Variants in ZNF600 observed in about 807,000 individuals in gnomAD.
The protein encoded by ZNF600 is zinc finger protein 600, also known as zinc finger protein KR-ZNF1.
A neutral mutation model predicts 7.3 loss-of-function variants in ZNF600; 4 were observed. The observed-to-expected ratio is 0.55, with a 90% confidence interval of 0.27 to 1.25. The LOEUF (loss-of-function observed/expected upper bound fraction) is 1.25, where lower values mean the gene tolerates loss of function less well. Ranked by LOEUF, ZNF600 falls within the 50% of genes most tolerant of loss-of-function variation. ZNF600 has a pLI of 0.12. For missense variants in ZNF600, 911 were observed against 922.1 expected, an observed-to-expected ratio of 0.99 and a Z score of 0.16; for synonymous variants, 290 against 308.9, an observed-to-expected ratio of 0.94 and a Z score of 0.64.
At chr19:52,813,409 G>A in the ZNF600 span, among the ~76,000 whole-genome samples, 3 of 149,790 alleles carry the variant, frequency 2.0e-5, no homozygotes, top group Non-Finnish European at 4.4e-5. Flanking sequence ...CGTCTCAACA[G>A]TGCAAGCTGC....
the ZNF600 span, chr19:52,800,918 A>T: frequency 6.2e-7 from 1 of 1,613,954 alleles, no homozygotes; most frequent in African/African-American, 1.3e-5. Context: ...GTGATTTGCG[A>T]CTGAAAACTT....
At chr19:52,796,911 T>C in the ZNF600 span, among the ~76,000 whole-genome samples, 1 of 152,212 alleles carries the variant, frequency 6.6e-6, no homozygotes, top group Admixed American at 6.5e-5. Context: ...ATTTGTACCA[T>C]TTTATTTTGG....
chr19:52,801,806 C>T, the ZNF600 span: 1 of 1,089,724 alleles, frequency 9.2e-7, no homozygotes, highest in Non-Finnish European at 1.3e-6. Flanking sequence ...TTAAACTTCC[C>T]AAACATGATC....
the ZNF600 span, chr19:52,801,575 A>G: frequency 3.1e-6 from 5 of 1,613,958 alleles, no homozygotes; most frequent in Non-Finnish European, 4.2e-6. Context: ...TGTCTTTCTC[A>G]ATTTTCTGGA....
exon 4 of ZNF600, chr19:52,765,167 T>C: frequency 4.5e-6 from 2 of 448,542 alleles, no homozygotes; most frequent in Admixed American, 2.7e-5. Flanking sequence ...ACTCACTGCA[T>C]TGGGAACAGT....
chr19:52,778,739 T>C, intron 2 of ZNF600, 87 bp downstream of exon 4: 1 of 1,507,770 alleles, frequency 6.6e-7, no homozygotes, highest in Non-Finnish European at 8.8e-7. Flanking sequence ...GCAAAATTCT[T>C]CAAACTCAGA....
exon 4 of ZNF600, chr19:52,765,702 G>C (rs1165736243): frequency 5.0e-6 from 8 of 1,612,986 alleles, no homozygotes; most frequent in African/African-American, 1.3e-5. Context: ...GTGAAGTCCA[G>C]TATGTTGTTT....
In ZNF600 at chr19:52,766,446, G is replaced by C. The variant is rs750024014; in HGVS notation, c.1517C>G (p.Thr506Ser). The C allele has an allele frequency of 1.4e-5, 23 of 1,614,006 alleles. 1 individual carries two copies. Among genetic ancestry groups the C allele is most frequent in the Admixed American group, 1.3e-4 (8 of 60,008 alleles). Reference sequence around the variant, plus strand: ...TTCATATTTGTAAGGTTGCTCTCCAGTATGAATTGACTTATGAATTAGAAG... The same window carrying C: ...TTCATATTTGTAAGGTTGCTCTCCACTATGAATTGACTTATGAATTAGAAG... Residue 506 changes from threonine to serine, a missense_variant, in exon 4 of 4, where the codon ACT (threonine) becomes AGT (serine). Coordinates refer to ENST00000648973, the Ensembl canonical transcript of ZNF600.
At chr19:52,796,623 T>C in the ZNF600 span, among the ~76,000 whole-genome samples, 3 of 152,136 alleles carry the variant, frequency 2.0e-5, no homozygotes, top group African/African-American at 7.2e-5. Context: ...TGTGCCACCA[T>C]GCCCAGCTAA....
chr19:52,765,221 C>T (rs1027546761), exon 4 of ZNF600: 18 of 537,176 alleles, frequency 3.4e-5, no homozygotes, highest in Non-Finnish European at 5.2e-5. Context: ...GGAGTGACCT[C>T]GGACTCAAGA....
At chr19:52,774,456 A>AC in intron 3 of ZNF600, 119 bp downstream of exon 5, 1 of 748,388 alleles carries the variant, frequency 1.3e-6, no homozygotes, top group Non-Finnish European at 1.6e-6. Context: ...CAAAAAAACA[A>AC]CCAAAAAAAA....
the ZNF600 span, among the ~76,000 whole-genome samples, chr19:52,827,235 CCTGTCTCT>C: frequency 7.3e-6 from 1 of 137,460 alleles, no homozygotes; most frequent in African/African-American, 2.8e-5. Context: ...AGAGCAAAAC[CCTGTCTCT>C]AAAAACAAAA....
chr19:52,775,384 T>C (rs905891276), intron 2 of ZNF600, among the ~76,000 whole-genome samples: 2 of 152,004 alleles, frequency 1.3e-5, no homozygotes, highest in Non-Finnish European at 2.9e-5. Context: ...ACCATGTCTC[T>C]ACTAAAAATA....
At position 52,766,583 on chromosome 19, in the gene ZNF600, A is replaced by T. The variant is rs2062581077; in HGVS notation, c.1380T>A (p.Cys460Ter). The T allele has an allele frequency of 6.2e-7, 1 of 1,614,046 alleles. No homozygotes were observed. The highest frequency in any genetic ancestry group is 8.5e-7 in the Non-Finnish European group (1 of 1,180,044). Reference sequence around the variant, plus strand: ...GTGAATTCCACGCAAAAGCCTTGTCACAGACCTTACATTTGTAAGATTTCT... The same window carrying T: ...GTGAATTCCACGCAAAAGCCTTGTCTCAGACCTTACATTTGTAAGATTTCT... The change falls in exon 4 of 4, where the codon TGT (cysteine) becomes TGA (stop). Residue 460 changes from cysteine (C) to a stop codon, truncating the protein, a stop_gained. Coordinates refer to ENST00000648973, the Ensembl canonical transcript of ZNF600. LOFTEE classifies it low-confidence loss of function (END_TRUNC).
the ZNF600 span, chr19:52,797,771 G>C: frequency 2.0e-5 from 3 of 151,980 alleles, no homozygotes; most frequent in African/African-American, 4.8e-5. Context: ...TTATATAACC[G>C]AATGTGATTT....
At chr19:52,806,195 T>A in the ZNF600 span, among the ~76,000 whole-genome samples, 6 of 9,192 alleles carry the variant, frequency 6.5e-4, no homozygotes, top group Non-Finnish European at 3.2e-3. Context: ...GTTACAGAAT[T>A]TTTTTTTTCT....
the ZNF600 span, among the ~76,000 whole-genome samples, chr19:52,810,970 G>C: frequency 3.6e-5 from 5 of 137,364 alleles, no homozygotes; most frequent in African/African-American, 1.1e-4. Flanking sequence ...CTGCCATCTC[G>C]GCTCACTGCA....
chr19:52,771,088 C>T (rs2062626697), intron 3 of ZNF600, among the ~76,000 whole-genome samples: 1 of 152,244 alleles, frequency 6.6e-6, no homozygotes, highest in African/African-American at 2.4e-5. Flanking sequence ...CCGTCTTAGC[C>T]TCCCAAAGTG....
the ZNF600 span, among the ~76,000 whole-genome samples, chr19:52,817,549 T>C: frequency 0.58 from 88,546 of 151,382 alleles, 27,084 homozygotes; most frequent in Non-Finnish European, 0.69. Flanking sequence ...TTTTCTAGAA[T>C]TGACCACGTA....
Sources: gnomAD v4.1 joint callset for allele counts (sites outside exome capture counted in the v4.1 genomes callset) on GRCh38, gnomAD v4.1.1 for gene constraint, MANE v1.5 for transcripts, NCBI Gene and HGNC (gene_info 2026-07-23, HGNC 2026-07-21) for gene names.